The following ATP13A3 variants were observed in gnomAD, a reference collection of about 807,000 sequenced individuals.
ATP13A3 encodes the protein polyamine-transporting ATPase 13A3.
Under a neutral mutation model 158.1 loss-of-function variants are expected in ATP13A3, and 59 were observed. The ratio of observed to expected loss-of-function variants is 0.37; its 90% CI spans 0.30 to 0.46. The LOEUF (loss-of-function observed/expected upper bound fraction) is 0.46. Ranked by LOEUF, ATP13A3 falls within the 20% of genes least tolerant of loss-of-function variation. The pLI, the probability that ATP13A3 is intolerant of heterozygous loss-of-function variation, is 1.00. For synonymous variants in ATP13A3, 491 were observed against 504.3 expected, an observed-to-expected ratio of 0.97 and a Z score of 0.35; for missense variants, 1,166 against 1,525.2, an observed-to-expected ratio of 0.76 and a Z score of 3.92.
rs201046053 is a variant in ATP13A3 at position 194,459,887 on chromosome 3, T to C, written c.310A>G (p.Asn104Asp). Residue 104 changes from asparagine (N) to aspartate (D), a missense_variant, in exon 5 of 34, where the codon AAT becomes GAT. This residue lies in a region of ATP13A3 where 104 missense variants were observed against 91.7 expected (regional missense o/e 1.13). Coordinates refer to ENST00000645319, the MANE Select transcript of ATP13A3 (RefSeq NM_001367549.1). ...ACTGCATGGCCATTTGAAAGCTTAT[T>C]AGACATAGATTTTGGACTTGAAACT... The part of the protein sequence containing the change: ...YPVSSPKSMS[N>D]KLSNGHAVCL... 1.7e-3 allele frequency: 2,810 copies of C among 1,613,422 alleles called. 4 individuals carry two copies. The highest frequency in any genetic ancestry group is 5.8e-3 in the Middle Eastern group (35 of 6,052).
At chr3:194,476,272 A>G (rs1483287086) in intron 2 of ATP13A3, among the ~76,000 whole-genome samples, 2 of 152,102 alleles carry the variant, frequency 1.3e-5, no homozygotes, top group African/African-American at 2.4e-5. Context: ...CAATCTCATC[A>G]GGGGTGGCAC....
intron 28 of ATP13A3, 66 bp from the exon 29 acceptor site, chr3:194,427,318 C>A: frequency 7.2e-7 from 1 of 1,388,914 alleles, no homozygotes; most frequent in Non-Finnish European, 9.7e-7. Flanking sequence ...TAAGGCATAA[C>A]TAGATTCATT....
chr3:194,408,192 T>C (rs1715093084), intron 33 of ATP13A3, among the ~76,000 whole-genome samples: 1 of 152,046 alleles, frequency 6.6e-6, no homozygotes, highest in African/African-American at 2.4e-5. Context: ...GCTAATTTTT[T>C]GTATTTTAGT....
At chr3:194,472,709 ACAGCAC>A (rs1720358346) in intron 2 of ATP13A3, among the ~76,000 whole-genome samples, 1 of 152,234 alleles carries the variant, frequency 6.6e-6, no homozygotes, top group African/African-American at 2.4e-5. Context: ...TATGTTCATC[ACAGCAC>A]TATTCACAAT....
At position 194,431,877 on chromosome 3, in the gene ATP13A3, G is replaced by A; in HGVS notation, c.2261C>T (p.Thr754Ile). The A allele has an allele frequency of 6.3e-7, 1 of 1,588,378 alleles. No homozygotes were observed. Among genetic ancestry groups the A allele is most frequent in the Non-Finnish European group, 8.5e-7 (1 of 1,171,716 alleles). Residue 754 changes from threonine (T) to isoleucine (I), a missense_variant, in exon 22 of 34, where the codon ACT (threonine) becomes ATT (isoleucine). This residue lies in a region of ATP13A3 where 997 missense variants were observed against 1,341.2 expected (regional missense o/e 0.74). Coordinates refer to ENST00000645319, the MANE Select transcript of ATP13A3 (RefSeq NM_001367549.1). ...ACAATCTCTGGCCACAGAGACAGCA[G>A]TCAACATACTGTCACCTAATTTTCA... ...TVMVTGDSML[T>I]AVSVARDCGM...
At position 194,460,910 on chromosome 3, in the gene ATP13A3, T is replaced by C. The variant is rs909537421; in HGVS notation, c.52-79A>G. ...CAGAGAAACACATTCCAAAGTTCTT[T>C]GTTTTCCAGATAGGTATTTATTGTC... On this transcript the variant is annotated intron_variant, in intron 3 of 33. Coordinates refer to ENST00000645319, the MANE Select transcript of ATP13A3 (RefSeq NM_001367549.1). 5.4e-5 allele frequency: 77 copies of C among 1,413,954 alleles called. 2 individuals carry two copies. The allele number at this position is 1,413,954 out of a possible 1,614,324, so 87.6% of individuals were successfully genotyped here.
intron 2 of ATP13A3, among the ~76,000 whole-genome samples, chr3:194,462,807 C>T (rs936326901): frequency 6.6e-6 from 1 of 152,168 alleles, no homozygotes; most frequent in Admixed American, 6.5e-5. Context: ...AATGGGATAC[C>T]AGTGCTTGAA....
In ATP13A3 at chr3:194,454,507, G is replaced by C. The variant is rs959353877; in HGVS notation, c.631-115C>G. 4.8e-5 allele frequency: 55 copies of C among 1,148,498 alleles called. No homozygotes were observed. The East Asian group carries it at 1.4e-3, about 29-fold the overall frequency. The allele number at this position is 1,148,498 out of a possible 1,614,324, so 71.1% of individuals were successfully genotyped here. ...AAATATGTACAAGATAAGCTCCATA[G>C]TATTCTACGGCAAAATGTACTTCCC... is the stretch of plus-strand genomic sequence containing the variant. On this transcript the variant is annotated intron_variant, in intron 8 of 33. Transcript: ENST00000645319.
At chr3:194,489,304 G>A (rs573174350), upstream of ATP13A3, among the ~76,000 whole-genome samples, 20 of 152,300 alleles carry the variant, frequency 1.3e-4, no homozygotes, top group African/African-American at 3.8e-4. The surrounding 1 kb of genome is among the most constrained non-coding windows in gnomAD (Gnocchi z 4.1). Context: ...TTAGCTGGAC[G>A]TGGTGGCACA....
chr3:194,491,034 C>T (rs1177625188), upstream of ATP13A3, among the ~76,000 whole-genome samples: 1 of 152,188 alleles, frequency 6.6e-6, no homozygotes, highest in African/African-American at 2.4e-5. Flanking sequence ...ATCCCAGCTA[C>T]TTGGGAGGCT....
intron 15 of ATP13A3, among the ~76,000 whole-genome samples, chr3:194,441,875 A>G (rs1219997491): frequency 6.6e-6 from 1 of 152,206 alleles, no homozygotes; most frequent in Non-Finnish European, 1.5e-5. Flanking sequence ...ACCTAAAGGC[A>G]TTAATTATGA....
chr3:194,417,698 G>A (rs367986247), intron 31 of ATP13A3, among the ~76,000 whole-genome samples: 26 of 152,126 alleles, frequency 1.7e-4, no homozygotes, highest in Admixed American at 5.2e-4. Context: ...TAATACTTTC[G>A]GAGGCTGAGG....
At chr3:194,445,255 G>C (rs1394816658) in intron 14 of ATP13A3, among the ~76,000 whole-genome samples, 2 of 152,172 alleles carry the variant, frequency 1.3e-5, no homozygotes, top group African/African-American at 4.8e-5. Flanking sequence ...CTGGAGATAA[G>C]GGGTAAGTAA....
At position 194,471,633 on chromosome 3, in the gene ATP13A3, C is replaced by T. The variant is rs140903158; in HGVS notation, c.-46-9397G>A. 7.5e-3 allele frequency among the ~76,000 whole-genome samples: 1,146 copies of T among 152,280 alleles called. 17 individuals are homozygous for T. The highest frequency in any genetic ancestry group is 0.026 in the African/African-American group (1,098 of 41,558). On this transcript the variant is annotated intron_variant, in intron 2 of 33. Transcript: ENST00000645319. Reference sequence around the variant, plus strand: ...CCTCCCAAAGTGCTGGGATTACAGGCGTGAGCTACCACGCCCAGCCCTAAA... The same window carrying T: ...CCTCCCAAAGTGCTGGGATTACAGGTGTGAGCTACCACGCCCAGCCCTAAA...
chr3:194,436,985 T>C (rs1264516550), intron 20 of ATP13A3, 110 bp downstream of exon 20: 2 of 1,282,078 alleles, frequency 1.6e-6, no homozygotes. Context: ...TTATATTAGA[T>C]ATCTTTTCAT....
At chr3:194,478,579 T>C (rs1720622710) in intron 2 of ATP13A3, among the ~76,000 whole-genome samples, 2 of 152,268 alleles carry the variant, frequency 1.3e-5, no homozygotes, top group South Asian at 2.1e-4. Flanking sequence ...CACGGGGTGA[T>C]AGCCTTTGAG....
intron 30 of ATP13A3, among the ~76,000 whole-genome samples, chr3:194,421,723 T>C (rs989186480): frequency 2.6e-5 from 4 of 151,648 alleles, no homozygotes; most frequent in Non-Finnish European, 5.9e-5. Flanking sequence ...GTTTGGAAAG[T>C]GGTGGTTGGA....
At chr3:194,476,492 C>A (rs1720528998) in intron 2 of ATP13A3, among the ~76,000 whole-genome samples, 1 of 152,160 alleles carries the variant, frequency 6.6e-6, no homozygotes, top group Admixed American at 6.5e-5. Context: ...AAAAGCCAAG[C>A]CAGGAATTTA....
chr3:194,404,736 T>C lies in ATP13A3; in HGVS notation c.*1183A>G, dbSNP rs1018401110. On this transcript the variant is annotated 3_prime_UTR_variant, in exon 34 of 34. Transcript: ENST00000645319. ...GCTCAATGAATGTCAATTTTTTAACTTTATTTCCTCAATTTTTTTTCTCCC... is the reference window on the plus strand; with the variant it reads ...GCTCAATGAATGTCAATTTTTTAACCTTATTTCCTCAATTTTTTTTCTCCC... 3 of 152,260 alleles carry C rather than the reference T, an allele frequency of 2.0e-5. No individual in the cohort carries two copies. The highest frequency in any genetic ancestry group is 7.2e-5 in the African/African-American group (3 of 41,470). The allele number at this position is 152,260 out of a possible 1,614,324, so 9.4% of individuals were successfully genotyped here.
Sources: allele counts gnomAD v4.1 joint callset (sites outside exome capture counted in the v4.1 genomes callset), GRCh38; gene constraint gnomAD v4.1.1; regional missense constraint gnomAD v4.1.1; non-coding constraint Gnocchi (gnomAD v3.1); transcripts MANE v1.5; gene names NCBI Gene and HGNC (gene_info 2026-07-23, HGNC 2026-07-21).